The following GRIN2B variants were observed in gnomAD, a reference collection of about 807,000 sequenced individuals.
The protein encoded by GRIN2B is glutamate ionotropic receptor NMDA type subunit 2B, also known as glutamate receptor ionotropic, NMDA 2B.
GRIN2B carries 5 observed loss-of-function variants against 114.5 expected under a neutral mutation model. That is an observed-to-expected ratio of 0.04 (90% CI 0.02 to 0.09). GRIN2B has a LOEUF of 0.09. GRIN2B is among the 10% of genes least tolerant of loss of function. The pLI is 1.00. For missense variants in GRIN2B, 1,108 were observed against 1,943.5 expected (o/e 0.57, Z 8.08); for synonymous variants, 787 against 745.1 (o/e 1.06, Z -0.92).
chr12:13,819,255 G>A (rs898971841), intron 3 of GRIN2B, among the ~76,000 whole-genome samples: 8 of 152,166 alleles, frequency 5.3e-5, no homozygotes. Context: ...CAAACCTCCT[G>A]ACACCTTGAT....
intron 10 of GRIN2B, among the ~76,000 whole-genome samples, chr12:13,605,960 C>T (rs1478376695): frequency 6.6e-6 from 1 of 152,148 alleles, no homozygotes; most frequent in African/African-American, 2.4e-5. Context: ...CCATACAGTG[C>T]TATAACCATG....
rs993526646 is a variant in GRIN2B, at chr12:13,558,938, C to A, written c.*3845G>T. On this transcript the variant is annotated 3_prime_UTR_variant, in exon 14 of 14. Coordinates refer to ENST00000609686, the MANE Select transcript of GRIN2B (RefSeq NM_000834.5). ...AGGAGTTCATACAGGACCACACTCA[C>A]CAACCACTTCTGCAATGGAAGGGAA... 1 of 152,184 alleles carries A rather than the reference C, an allele frequency of 6.6e-6. No individual in the cohort carries two copies. Among genetic ancestry groups the A allele is most frequent in the Middle Eastern group, 3.2e-3 (1 of 316 alleles). The allele number at this position is 152,184 out of a possible 1,614,324, so 9.4% of individuals were successfully genotyped here.
intron 2 of GRIN2B, among the ~76,000 whole-genome samples, chr12:13,883,855 C>A (rs1365179272): frequency 6.6e-6 from 1 of 151,848 alleles, no homozygotes; most frequent in Non-Finnish European, 1.5e-5. Context: ...AAAGTCTTTG[C>A]CTAAACAAAG....
chr12:13,625,505 A>C (rs1467080263), intron 5 of GRIN2B, among the ~76,000 whole-genome samples: 1 of 152,216 alleles, frequency 6.6e-6, no homozygotes, highest in Non-Finnish European at 1.5e-5. Context: ...CGGGCTCATT[A>C]GTTTTCTGCA....
intron 10 of GRIN2B, among the ~76,000 whole-genome samples, chr12:13,604,779 ACT>A (rs1949214422): frequency 6.6e-6 from 1 of 151,680 alleles, no homozygotes. Flanking sequence ...TTTTCAGGAA[ACT>A]CTCTTTCTGA....
chr12:13,590,506 G>A (rs1948993410), intron 10 of GRIN2B, among the ~76,000 whole-genome samples: 1 of 152,116 alleles, frequency 6.6e-6, no homozygotes, highest in Non-Finnish European at 1.5e-5. Flanking sequence ...TTCTGTTCCT[G>A]TGTTAGTTTC....
At chr12:13,722,098 A>G (rs1275837632) in intron 4 of GRIN2B, among the ~76,000 whole-genome samples, 2 of 152,272 alleles carry the variant, frequency 1.3e-5, no homozygotes, top group East Asian at 3.9e-4. Flanking sequence ...CATTCCATTA[A>G]CACAGTATGA....
At chr12:13,880,281 G>A (rs915670417) in intron 2 of GRIN2B, among the ~76,000 whole-genome samples, 1 of 152,210 alleles carries the variant, frequency 6.6e-6, no homozygotes, top group African/African-American at 2.4e-5. Flanking sequence ...GAAAACAAGT[G>A]AGGCACAAAA....
At chr12:13,925,940 C>G (rs1591624999) in intron 2 of GRIN2B, among the ~76,000 whole-genome samples, 1 of 151,966 alleles carries the variant, frequency 6.6e-6, no homozygotes, top group East Asian at 1.9e-4. Flanking sequence ...TTCCTCCGTT[C>G]AATTTGAAGA....
chr12:13,742,334 T>C (rs898147480), intron 4 of GRIN2B, among the ~76,000 whole-genome samples: 5 of 152,250 alleles, frequency 3.3e-5, no homozygotes, highest in African/African-American at 1.2e-4. Context: ...ATGTCTGTTA[T>C]ACCTAAGCTA....
At chr12:13,791,578 T>C (rs1468646663) in intron 3 of GRIN2B, among the ~76,000 whole-genome samples, 1 of 152,188 alleles carries the variant, frequency 6.6e-6, no homozygotes, top group African/African-American at 2.4e-5. Context: ...GGGGTACCTA[T>C]AATTTTCCTA....
intron 4 of GRIN2B, among the ~76,000 whole-genome samples, chr12:13,746,327 C>T (rs1167605725): frequency 6.6e-6 from 1 of 152,102 alleles, no homozygotes; most frequent in African/African-American, 2.4e-5. Context: ...TACCTATGAC[C>T]CGCTTTTTAA....
chr12:13,727,241 G>A (rs1182752228), intron 4 of GRIN2B, among the ~76,000 whole-genome samples: 3 of 152,176 alleles, frequency 2.0e-5, no homozygotes, highest in Non-Finnish European at 4.4e-5. Flanking sequence ...AAGGTAGGGT[G>A]TGGACTGCCA....
At chr12:13,699,886 C>CTTT (rs5796554) in intron 4 of GRIN2B, among the ~76,000 whole-genome samples, 1 of 145,894 alleles carries the variant, frequency 6.9e-6, no homozygotes. Context: ...CGCACCCAGC[C>CTTT]TTTTTTTTTT....
chr12:13,892,513 A>AC (rs1436929255), intron 2 of GRIN2B, among the ~76,000 whole-genome samples: 8 of 152,210 alleles, frequency 5.3e-5, no homozygotes, highest in African/African-American at 1.9e-4. Flanking sequence ...GCCAGTGAGC[A>AC]CCCAAGATTC....
intron 8 of GRIN2B, among the ~76,000 whole-genome samples, chr12:13,613,591 A>G (rs1028433856): frequency 6.6e-6 from 1 of 152,096 alleles, no homozygotes; most frequent in African/African-American, 2.4e-5. Flanking sequence ...AAACGGCCTT[A>G]TTTGTACTAG....
At chr12:13,630,777 G>T (rs1346288451) in intron 5 of GRIN2B, among the ~76,000 whole-genome samples, 2 of 152,090 alleles carry the variant, frequency 1.3e-5, no homozygotes, top group African/African-American at 4.8e-5. Context: ...TAAAATGATG[G>T]CTGTTTCAGG....
At chr12:13,959,952 G>A (rs546493966) in intron 2 of GRIN2B, among the ~76,000 whole-genome samples, 3 of 152,120 alleles carry the variant, frequency 2.0e-5, no homozygotes, top group Non-Finnish European at 4.4e-5. Context: ...AGTGGAGGAC[G>A]GAGAAAAAAC....
Position 13,544,301 on chromosome 12 carries a change from G to T in GRIN2B, c.*18482C>A, listed in dbSNP as rs1948318214. 6.6e-6 allele frequency: 1 copy of T among 151,952 alleles called. No homozygotes were observed. Among genetic ancestry groups the T allele is most frequent in the Non-Finnish European group, 1.5e-5 (1 of 68,070 alleles). The allele number at this position is 151,952 out of a possible 1,614,324, so 9.4% of individuals were successfully genotyped here. A position where few individuals can be genotyped will look rare whatever the true frequency, so the allele number is the denominator to read the frequency against. ...GATAGTCTTATCCTACTCAATAATAGTACTTGCTTTACCCATTAACCACTC... is the reference window on the plus strand; with the variant it reads ...GATAGTCTTATCCTACTCAATAATATTACTTGCTTTACCCATTAACCACTC... On this transcript the variant is annotated 3_prime_UTR_variant, in exon 14 of 14. Transcript: ENST00000609686.
Sources: gnomAD v4.1 joint callset for allele counts (sites outside exome capture counted in the v4.1 genomes callset) on GRCh38, gnomAD v4.1.1 for gene constraint, MANE v1.5 for transcripts, NCBI Gene and HGNC (gene_info 2026-07-23, HGNC 2026-07-21) for gene names.